The following SNX3 variants were observed in gnomAD, a reference collection of about 807,000 sequenced individuals.
The protein encoded by SNX3 is sorting nexin-3.
A neutral mutation model predicts 17.7 loss-of-function variants in SNX3; 5 were observed. The ratio of observed to expected loss-of-function variants is 0.28; its 90% CI spans 0.15 to 0.59. SNX3 has a LOEUF of 0.59. SNX3 is among the 20% of genes least tolerant of loss of function. The probability of loss-of-function intolerance (pLI) is 0.88; values close to 1 mark genes in which losing one functional copy is unlikely to be tolerated. For synonymous variants in SNX3, 91 were observed against 76.5 expected, an observed-to-expected ratio of 1.19 and a Z score of -0.99; for missense variants, 132 against 206.8, an observed-to-expected ratio of 0.64 and a Z score of 2.22.
In SNX3 at chr6:108,211,632, T is replaced by A. The variant is rs1774407753; in HGVS notation, c.*517A>T. 1 of 152,662 alleles carries A rather than the reference T, an allele frequency of 6.6e-6. No individual in the cohort carries two copies. The highest frequency in any genetic ancestry group is 2.1e-4 in the South Asian group (1 of 4,834). The allele number at this position is 152,662 out of a possible 1,614,324, so 9.5% of individuals were successfully genotyped here. ...AGAATATAAAGATTTCCCTCATTAA[T>A]CTTCCATGTGAAGGGTATTACAAGC... On this transcript the variant is annotated 3_prime_UTR_variant, in exon 4 of 4. Coordinates refer to ENST00000230085, the MANE Select transcript of SNX3 (RefSeq NM_003795.6).
rs555366224 is a variant in SNX3 at position 108,239,122 on chromosome 6, C to T, written c.163-16077G>A. ...TTCGCCACATTGGCCAGGCTGTTCT[C>T]GAACTCCTGACCTCAGGTGATCCAC... On this transcript the variant is annotated intron_variant, in intron 1 of 3. Coordinates refer to ENST00000230085, the MANE Select transcript of SNX3 (RefSeq NM_003795.6). Among the ~76,000 whole-genome samples, 9 of 152,208 alleles carry T rather than the reference C, an allele frequency of 5.9e-5. No individual in the cohort carries two copies. In the South Asian group the frequency reaches 8.3e-4, roughly 14 times the overall value.
At chr6:108,229,735 C>A (rs1425791170) in intron 1 of SNX3, among the ~76,000 whole-genome samples, 2 of 152,022 alleles carry the variant, frequency 1.3e-5, no homozygotes, top group African/African-American at 4.8e-5. Flanking sequence ...ATAGTGTGAG[C>A]TAAATGCAGA....
chr6:108,256,729 TAA>T (rs1375217492), intron 1 of SNX3, among the ~76,000 whole-genome samples: 1 of 152,200 alleles, frequency 6.6e-6, no homozygotes, highest in African/African-American at 2.4e-5. Context: ...TCCAGAATAT[TAA>T]AGTTATATTA....
intron 1 of SNX3, among the ~76,000 whole-genome samples, chr6:108,242,500 G>T (rs1160757156): frequency 1.3e-5 from 2 of 152,186 alleles, no homozygotes; most frequent in Non-Finnish European, 2.9e-5. Context: ...AGACAAGGAA[G>T]CAACAGCATA....
chr6:108,228,624 G>A lies in SNX3; in HGVS notation c.163-5579C>T, dbSNP rs1017974518. The stretch of plus-strand genomic sequence containing the variant: ...AGGTGTCAGGATGGCTTCAGCCTTC[G>A]AGGCTGAGGCTGCATGAGCTGTGAT... On this transcript the variant is annotated intron_variant, in intron 1 of 3. Coordinates refer to ENST00000230085, the MANE Select transcript of SNX3 (RefSeq NM_003795.6). Among the ~76,000 whole-genome samples the A allele has an allele frequency of 3.3e-5, 5 of 152,058 alleles. No homozygotes were observed. The South Asian group carries it at 6.2e-4, about 19-fold the overall frequency.
chr6:108,257,558 C>T (rs1000707145), intron 1 of SNX3, among the ~76,000 whole-genome samples: 2 of 152,144 alleles, frequency 1.3e-5, no homozygotes, highest in Admixed American at 1.3e-4. Context: ...ATGTCATAGC[C>T]ACTCTGCCTT....
intron 1 of SNX3, among the ~76,000 whole-genome samples, chr6:108,239,262 C>A (rs576888968): frequency 6.6e-6 from 1 of 152,002 alleles, no homozygotes; most frequent in South Asian, 2.1e-4. Context: ...CAAGCAGACC[C>A]GGGTTCGACT....
intron 1 of SNX3, among the ~76,000 whole-genome samples, chr6:108,248,852 C>T (rs923114211): frequency 1.3e-5 from 2 of 152,020 alleles, no homozygotes; most frequent in African/African-American, 4.8e-5. Flanking sequence ...CCTTAACCTC[C>T]TTGGCTCAAA....
intron 1 of SNX3, among the ~76,000 whole-genome samples, chr6:108,237,834 G>A (rs1019206360): frequency 1.9e-4 from 29 of 150,956 alleles, no homozygotes; most frequent in Admixed American, 1.9e-3. Flanking sequence ...GTAGTGGCTT[G>A]TGTCTGTAAT....
chr6:108,243,943 AGG>A (rs1274392458), intron 1 of SNX3, among the ~76,000 whole-genome samples: 2 of 152,202 alleles, frequency 1.3e-5, no homozygotes, highest in African/African-American at 4.8e-5. Flanking sequence ...AAATCAAAAC[AGG>A]TTAAAAGTGA....
At chr6:108,251,490 A>G (rs1263356834) in intron 1 of SNX3, among the ~76,000 whole-genome samples, 1 of 152,156 alleles carries the variant, frequency 6.6e-6, no homozygotes, top group East Asian at 1.9e-4. Context: ...AAACAGAAAT[A>G]ATACGACTTC....
chr6:108,218,890 G>C (rs979440890), intron 2 of SNX3, among the ~76,000 whole-genome samples: 1 of 152,200 alleles, frequency 6.6e-6, no homozygotes, highest in Admixed American at 6.5e-5. Context: ...GTCTACTAAT[G>C]GGGACAGGGT....
At chr6:108,233,642 G>A (rs933348172) in intron 1 of SNX3, among the ~76,000 whole-genome samples, 10 of 152,122 alleles carry the variant, frequency 6.6e-5, no homozygotes, top group Admixed American at 1.3e-4. Flanking sequence ...CCAGCTACTC[G>A]GGAGGCTGAG....
intron 1 of SNX3, among the ~76,000 whole-genome samples, chr6:108,232,042 TA>T (rs1775177389): frequency 2.0e-5 from 3 of 152,204 alleles, no homozygotes; most frequent in Admixed American, 2.0e-4. Context: ...AAGATGAGAA[TA>T]TATTTTGCTT....
chr6:108,234,551 A>C (rs928116133), intron 1 of SNX3, among the ~76,000 whole-genome samples: 1 of 152,146 alleles, frequency 6.6e-6, no homozygotes, highest in Non-Finnish European at 1.5e-5. Flanking sequence ...GCTCTGTCTC[A>C]AAAAAACAAA....
At chr6:108,243,667 A>G (rs894047683) in intron 1 of SNX3, among the ~76,000 whole-genome samples, 1 of 152,228 alleles carries the variant, frequency 6.6e-6, no homozygotes, top group Non-Finnish European at 1.5e-5. Flanking sequence ...TTGGTGGCTG[A>G]CACCTGTAAT....
chr6:108,231,443 A>AT (rs148158212), intron 1 of SNX3, among the ~76,000 whole-genome samples: 1,753 of 152,276 alleles, frequency 0.012, 44 homozygotes, highest in African/African-American at 0.041. Context: ...TCTTGTTGTC[A>AT]TTCAAGACAC....
intron 1 of SNX3, among the ~76,000 whole-genome samples, chr6:108,226,363 C>T (rs1176610676): frequency 1.3e-5 from 2 of 152,098 alleles, no homozygotes; most frequent in Non-Finnish European, 2.9e-5. Context: ...CATGAGCCAC[C>T]GTGCCCAGCC....
chr6:108,254,397 C>T (rs867448672), intron 1 of SNX3, among the ~76,000 whole-genome samples: 2 of 151,984 alleles, frequency 1.3e-5, no homozygotes, highest in Admixed American at 6.6e-5. Context: ...CCCAGGAGGT[C>T]GAGGCTACAA....
Sources: allele counts gnomAD v4.1 joint callset (sites outside exome capture counted in the v4.1 genomes callset), GRCh38; gene constraint gnomAD v4.1.1; transcripts MANE v1.5; gene names NCBI Gene and HGNC (gene_info 2026-07-23, HGNC 2026-07-21).